Variants in PRRG1 observed in about 807,000 individuals in gnomAD.
PRRG1 encodes the protein transmembrane gamma-carboxyglutamic acid protein 1.
Under a neutral mutation model 11.8 loss-of-function variants are expected in PRRG1, and 5 were observed. The ratio of observed to expected loss-of-function variants is 0.42; its 90% CI spans 0.22 to 0.89. The LOEUF is 0.89. Among genes scored for constraint, PRRG1 ranks in the 40% least tolerant of loss-of-function variants. The probability of loss-of-function intolerance (pLI) is 0.28; values close to 1 mark genes in which losing one functional copy is unlikely to be tolerated. For missense variants in PRRG1, 155 were observed against 166.1 expected, an observed-to-expected ratio of 0.93 and a Z score of 0.37; for synonymous variants, 66 against 60.4, an observed-to-expected ratio of 1.09 and a Z score of -0.43.
At chrX:37,405,213 A>C (rs1556381679) in intron 1 of PRRG1, among the ~76,000 whole-genome samples, 1 of 111,886 alleles carries the variant, frequency 8.9e-6, no homozygotes. Context: ...ACACTTTTTA[A>C]CATGCTGTGG....
chrX:37,354,377 T>A (rs1202797710), intron 1 of PRRG1, among the ~76,000 whole-genome samples: 1 of 108,463 alleles, frequency 9.2e-6, no homozygotes, highest in Non-Finnish European at 1.9e-5. Flanking sequence ...CTTTTTTTAT[T>A]TTTATTTTTA....
intron 1 of PRRG1, among the ~76,000 whole-genome samples, chrX:37,359,441 A>T (rs1930344273): frequency 9.0e-6 from 1 of 110,944 alleles, no homozygotes; most frequent in Non-Finnish European, 1.9e-5. Flanking sequence ...TCTGGAGTAC[A>T]TTAATTGGTT....
intron 1 of PRRG1, among the ~76,000 whole-genome samples, chrX:37,376,882 C>G (rs1930980906): frequency 9.2e-6 from 1 of 108,821 alleles, no homozygotes. Flanking sequence ...TAGCTTTTCA[C>G]AGAATCTGTA....
At chrX:37,406,611 T>G (rs782041962) in intron 2 of PRRG1, among the ~76,000 whole-genome samples, 1 of 110,498 alleles carries the variant, frequency 9.0e-6, no homozygotes, top group Non-Finnish European at 1.9e-5. Flanking sequence ...TGTTTTCTGT[T>G]TTCTTGCTAG....
At chrX:37,404,226 C>T (rs903118474) in intron 1 of PRRG1, among the ~76,000 whole-genome samples, 2 of 112,021 alleles carry the variant, frequency 1.8e-5, no homozygotes, top group African/African-American at 6.5e-5. Flanking sequence ...ACTCTCACAC[C>T]TCAAATCTCC....
chrX:37,366,392 G>A (rs904919825), intron 1 of PRRG1, among the ~76,000 whole-genome samples: 2 of 112,040 alleles, frequency 1.8e-5, no homozygotes, highest in Non-Finnish European at 3.8e-5. Context: ...GAATTTTCTT[G>A]GGTTTAGTTT....
intron 3 of PRRG1, among the ~76,000 whole-genome samples, chrX:37,445,571 A>G (rs782390430): frequency 4.6e-4 from 52 of 112,719 alleles, no homozygotes; most frequent in Middle Eastern, 4.6e-3. Context: ...CCATGCACAT[A>G]CTGCACCAAA....
At chrX:37,363,761 T>G (rs1440493808) in intron 1 of PRRG1, among the ~76,000 whole-genome samples, 1 of 111,749 alleles carries the variant, frequency 8.9e-6, no homozygotes, top group African/African-American at 3.3e-5. Context: ...TGTTTCATCT[T>G]ACTTGACCTT....
intron 2 of PRRG1, among the ~76,000 whole-genome samples, chrX:37,420,130 CT>C (rs1212149653): frequency 8.9e-6 from 1 of 111,756 alleles, no homozygotes; most frequent in East Asian, 2.8e-4. Flanking sequence ...TCATTTATAA[CT>C]TATAACTTGA....
At chrX:37,423,993 A>G (rs1385183408) in intron 2 of PRRG1, among the ~76,000 whole-genome samples, 1 of 111,666 alleles carries the variant, frequency 9.0e-6, no homozygotes, top group Non-Finnish European at 1.9e-5. Context: ...ACAGATTTAT[A>G]GCCTAGGACC....
At chrX:37,383,986 C>A (rs948299757) in intron 1 of PRRG1, among the ~76,000 whole-genome samples, 25 of 108,950 alleles carry the variant, frequency 2.3e-4, no homozygotes, top group African/African-American at 7.7e-4. Flanking sequence ...AAAATAAGCA[C>A]CTAATGCCAT....
At chrX:37,448,656 A>G (rs1295494301) in intron 3 of PRRG1, among the ~76,000 whole-genome samples, 1 of 112,277 alleles carries the variant, frequency 8.9e-6, no homozygotes. Flanking sequence ...TCCCCCAGCC[A>G]TATCATCTTC....
chrX:37,395,814 G>A (rs1342917587), intron 1 of PRRG1, among the ~76,000 whole-genome samples: 1 of 111,428 alleles, frequency 9.0e-6, no homozygotes, highest in Admixed American at 9.5e-5. Context: ...GGAAATTTTA[G>A]TGCATCTAAT....
At chrX:37,406,175 A>G (rs376957283) in intron 1 of PRRG1, 34 bp from the exon 2 acceptor site, 3 of 1,193,761 alleles carry the variant, frequency 2.5e-6, no homozygotes, top group East Asian at 3.0e-5. Context: ...GCCTCTATCA[A>G]TCTGACTGTG....
chrX:37,369,649 A>G (rs1423629179), intron 1 of PRRG1, among the ~76,000 whole-genome samples: 2 of 111,836 alleles, frequency 1.8e-5, no homozygotes, highest in Non-Finnish European at 3.8e-5. Context: ...AGTTCATGAT[A>G]ACCACCTGAT....
chrX:37,382,466 T>C (rs1315053239), intron 1 of PRRG1, among the ~76,000 whole-genome samples: 1 of 111,517 alleles, frequency 9.0e-6, no homozygotes, highest in Non-Finnish European at 1.9e-5. Context: ...CACAGCTATG[T>C]GTATATTTTG....
chrX:37,439,203 A>G (rs989404157), intron 3 of PRRG1, among the ~76,000 whole-genome samples: 1 of 112,181 alleles, frequency 8.9e-6, no homozygotes, highest in African/African-American at 3.2e-5. Flanking sequence ...CTTGAACTGT[A>G]TATTTCAGAG....
intron 1 of PRRG1, among the ~76,000 whole-genome samples, chrX:37,351,331 A>G (rs1326076572): frequency 9.1e-6 from 1 of 109,973 alleles, no homozygotes; most frequent in Non-Finnish European, 1.9e-5. Context: ...CGTCTCTACT[A>G]AAAATACAAA....
At chrX:37,406,993 T>G (rs781924901) in intron 2 of PRRG1, among the ~76,000 whole-genome samples, 3 of 112,234 alleles carry the variant, frequency 2.7e-5, no homozygotes, top group African/African-American at 9.7e-5. Flanking sequence ...GTTGTAGAAG[T>G]TTGGGGATCA....
Sources: gnomAD v4.1 joint callset for allele counts (sites outside exome capture counted in the v4.1 genomes callset) on GRCh38, gnomAD v4.1.1 for gene constraint, MANE v1.5 for transcripts, NCBI Gene and HGNC (gene_info 2026-07-23, HGNC 2026-07-21) for gene names.